ITIH5: variants seen among roughly 807,000 people sequenced by gnomAD.
ITIH5 encodes inter-alpha-trypsin inhibitor heavy chain H5.
In ITIH5, 65 loss-of-function variants were observed where a neutral mutation model predicts 77.5. The ratio of observed to expected loss-of-function variants is 0.84; its 90% CI spans 0.69 to 1.03. The LOEUF (loss-of-function observed/expected upper bound fraction) is 1.03, where lower values mean the gene tolerates loss of function less well. Among genes scored for constraint, ITIH5 ranks in the 50% least tolerant of loss-of-function variants. The pLI is 0.00. For synonymous variants in ITIH5, 525 were observed against 494.3 expected (o/e 1.06, Z -0.82); for missense variants, 1,208 against 1,213.1 (o/e 1.00, Z 0.06).
intron 9 of ITIH5, 140 bp downstream of exon 9, chr10:7,579,615 C>A (rs11255201): frequency 0.67 from 523,812 of 784,336 alleles, 177,956 homozygotes; most frequent in Middle Eastern, 0.75. Context: ...CATGGTGACA[C>A]CTCCCATTGC....
In ITIH5 at chr10:7,559,860, TTG is replaced by T; in HGVS notation, c.*3221_*3222del. 3 of 424,380 alleles carry T rather than the reference TTG, an allele frequency of 7.1e-6. No individual in the cohort carries two copies. Among genetic ancestry groups the T allele is most frequent in the African/African-American group, 3.0e-5 (1 of 33,532 alleles). 26.3% of individuals were successfully genotyped at this position (424,380 alleles called of 1,614,324 possible). ...TCCCATGTCTTTTTTTTGTTTTGTT[TTG>T]TTTTTTTTTGACGGAGTTTGGCTCT... On this transcript the variant is annotated 3_prime_UTR_variant, in exon 14 of 14. Coordinates refer to ENST00000397146, the MANE Select transcript of ITIH5 (RefSeq NM_030569.7).
chr10:7,604,760 CA>C (rs1396528668), intron 7 of ITIH5, among the ~76,000 whole-genome samples: 2 of 152,172 alleles, frequency 1.3e-5, no homozygotes, highest in Non-Finnish European at 2.9e-5. Context: ...TTCCCTATCT[CA>C]AGTTATTTCT....
At position 7,641,909 on chromosome 10, in the gene ITIH5, G is replaced by C. The variant is rs1427811023; in HGVS notation, c.299+18C>G. ...ACCCTAGGCAGAAATCTTCATCCCT[G>C]ACCAGCGTGTCACCTACATAGTGAA... On this transcript the variant is annotated intron_variant, in intron 3 of 13. Coordinates refer to ENST00000397146, the MANE Select transcript of ITIH5 (RefSeq NM_030569.7). 2 of 1,613,056 alleles carry C rather than the reference G, an allele frequency of 1.2e-6. No individual in the cohort carries two copies. Among genetic ancestry groups the C allele is most frequent in the African/African-American group, 2.7e-5 (2 of 74,878 alleles).
At chr10:7,657,894 A>G (rs1834213352) in intron 1 of ITIH5, among the ~76,000 whole-genome samples, 1 of 152,226 alleles carries the variant, frequency 6.6e-6, no homozygotes, top group Non-Finnish European at 1.5e-5. Context: ...ATGAAGCCCA[A>G]GTTCACAGTG....
At chr10:7,580,614 A>G (rs1030589843) in intron 8 of ITIH5, among the ~76,000 whole-genome samples, 1 of 152,226 alleles carries the variant, frequency 6.6e-6, no homozygotes, top group African/African-American at 2.4e-5. Context: ...CTGAGCTTCA[A>G]TGGCTTCTGT....
intron 1 of ITIH5, among the ~76,000 whole-genome samples, chr10:7,665,438 A>T (rs1310182873): frequency 6.6e-6 from 1 of 152,212 alleles, no homozygotes; most frequent in Non-Finnish European, 1.5e-5. Context: ...GTCATAATGC[A>T]TTCAGTCCTC....
chr10:7,575,587 C>T (rs374361864), intron 10 of ITIH5, among the ~76,000 whole-genome samples: 49 of 152,272 alleles, frequency 3.2e-4, no homozygotes, highest in African/African-American at 1.1e-3. Context: ...CTCTTGTTCT[C>T]GTCTCTACTC....
At chr10:7,628,973 A>AGCG (rs1564269280) in intron 5 of ITIH5, among the ~76,000 whole-genome samples, 9 of 67,560 alleles carry the variant, frequency 1.3e-4, no homozygotes, top group Non-Finnish European at 2.0e-4. Context: ...GTGTTGTAGC[A>AGCG]TGTGTCCGTG....
rs1191405835 is a variant in ITIH5, at chr10:7,628,546, T to TA, written c.652+8681dup. ...TGCATTGTGGCATGTGTCCATGTGA[T>TA]ACCATGTATTCGTGTTGTGACATGT... On this transcript the variant is annotated intron_variant, in intron 5 of 13. Coordinates refer to ENST00000397146, the MANE Select transcript of ITIH5 (RefSeq NM_030569.7). Among the ~76,000 whole-genome samples the TA allele has an allele frequency of 1.3e-5, 2 of 152,250 alleles. 1 individual carries two copies. Among genetic ancestry groups the TA allele is most frequent in the Admixed American group, 1.3e-4 (2 of 15,292 alleles).
chr10:7,640,242 G>A (rs1287721046), intron 4 of ITIH5, among the ~76,000 whole-genome samples: 3 of 151,034 alleles, frequency 2.0e-5, no homozygotes, highest in African/African-American at 7.3e-5. Context: ...AGGCTGAAGT[G>A]CGAGGACTGC....
chr10:7,662,354 C>CAA (rs763132848), intron 1 of ITIH5, among the ~76,000 whole-genome samples: 1 of 135,448 alleles, frequency 7.4e-6, no homozygotes, highest in African/African-American at 2.7e-5. Flanking sequence ...GAGACTGTCT[C>CAA]AAAAAAAAAA....
At chr10:7,660,938 G>A (rs1412145788) in intron 1 of ITIH5, among the ~76,000 whole-genome samples, 1 of 152,206 alleles carries the variant, frequency 6.6e-6, no homozygotes, top group Non-Finnish European at 1.5e-5. Context: ...GCGTGGACAG[G>A]TACAGGTTGG....
At chr10:7,570,009 AAATTCC>A in intron 11 of ITIH5, 1 of 446,994 alleles carries the variant, frequency 2.2e-6, no homozygotes, top group Non-Finnish European at 4.0e-6. Flanking sequence ...CAGGTCTTCT[AAATTCC>A]AATATAATGC....
chr10:7,645,345 G>T (rs775665961), intron 2 of ITIH5, among the ~76,000 whole-genome samples: 1 of 152,056 alleles, frequency 6.6e-6, no homozygotes, highest in Non-Finnish European at 1.5e-5. Context: ...TCAAAGTAGC[G>T]CTTCTCAAAG....
chr10:7,600,323 C>T lies in ITIH5; in HGVS notation c.940-14254G>A, dbSNP rs1001924657. Among the ~76,000 whole-genome samples, 8 of 152,180 alleles carry T rather than the reference C, an allele frequency of 5.3e-5. No individual in the cohort carries two copies. In the South Asian group the frequency reaches 1.7e-3, roughly 32 times the overall value. ...TGCCTTAATCTGACCTCTGAAACCCCATTTTCCCACCTGGTCCCCTGAAAC... is the reference window on the plus strand; with the variant it reads ...TGCCTTAATCTGACCTCTGAAACCCTATTTTCCCACCTGGTCCCCTGAAAC... On this transcript the variant is annotated intron_variant, in intron 7 of 13. Coordinates refer to ENST00000397146, the MANE Select transcript of ITIH5 (RefSeq NM_030569.7).
Position 7,563,167 on chromosome 10 carries a change from A to C in ITIH5, c.2745T>G (p.Ile915Met). Residue 915 changes from isoleucine (I) to methionine (M), a missense_variant, in exon 14 of 14, where the codon ATT becomes ATG. Ile to Met is a conservative substitution (Grantham distance 10, BLOSUM62 1). Transcript: ENST00000397146. ...CCAGGTAATCCTTGTACTCCCCGTCAATCAGTTTGGCGGCATTGTTCCTGG... is the reference window on the plus strand; with the variant it reads ...CCAGGTAATCCTTGTACTCCCCGTCCATCAGTTTGGCGGCATTGTTCCTGG... Reference protein sequence around the residue: ...WFARNNAAKLIDGEYKDYLAS... With the variant: ...WFARNNAAKLMDGEYKDYLAS... The C allele has an allele frequency of 6.2e-7, 1 of 1,614,170 alleles. No individual in the cohort carries two copies. The highest frequency in any genetic ancestry group is 2.2e-5 in the East Asian group (1 of 44,882).
intron 7 of ITIH5, among the ~76,000 whole-genome samples, chr10:7,589,064 C>T (rs1335033242): frequency 6.6e-6 from 1 of 152,256 alleles, no homozygotes; most frequent in Non-Finnish European, 1.5e-5. Context: ...GGGATCTCTT[C>T]CAAGTCCCTG....
At chr10:7,643,693 T>C (rs1376468105) in intron 2 of ITIH5, among the ~76,000 whole-genome samples, 1 of 152,234 alleles carries the variant, frequency 6.6e-6, no homozygotes, top group Admixed American at 6.5e-5. Flanking sequence ...CTCATCTGCT[T>C]TATTAATTTA....
intron 7 of ITIH5, among the ~76,000 whole-genome samples, chr10:7,593,954 A>G (rs10905199): frequency 0.47 from 71,957 of 152,162 alleles, 19,046 homozygotes; most frequent in Non-Finnish European, 0.59. Flanking sequence ...CTCCTGTGGG[A>G]GGCTTAAGAG....
Sources: gnomAD v4.1 joint callset for allele counts (sites outside exome capture counted in the v4.1 genomes callset) on GRCh38, gnomAD v4.1.1 for gene constraint, MANE v1.5 for transcripts, NCBI Gene and HGNC (gene_info 2026-07-23, HGNC 2026-07-21) for gene names.